The following KIRREL3 variants were observed in gnomAD, a reference collection of about 807,000 sequenced individuals.
The protein encoded by KIRREL3 is kin of IRRE-like protein 3.
KIRREL3 carries 36 observed loss-of-function variants against 89.7 expected under a neutral mutation model. That is an observed-to-expected ratio of 0.40 (90% confidence interval 0.31 to 0.53). The LOEUF (loss-of-function observed/expected upper bound fraction) is 0.53, where lower values mean the gene tolerates loss of function less well. KIRREL3 is among the 20% of genes least tolerant of loss of function. The pLI is 0.49. For missense variants in KIRREL3, 864 were observed against 1,056.6 expected (o/e 0.82, Z 2.53); for synonymous variants, 445 against 441.4 (o/e 1.01, Z -0.10).
Position 126,682,530 on chromosome 11 carries a change from G to A in KIRREL3, c.56-119618C>T, listed in dbSNP as rs1196673898. 2.0e-5 allele frequency among the ~76,000 whole-genome samples: 3 copies of A among 152,006 alleles called. No individual in the cohort carries two copies. Among genetic ancestry groups the A allele is most frequent in the Non-Finnish European group, 2.9e-5 (2 of 68,000 alleles). On this transcript the variant is annotated intron_variant, in intron 1 of 16. Transcript: ENST00000525144. This position sits in a 1 kb window ranked among gnomAD's most constrained non-coding sequence, Gnocchi z 4.8. ...TGACCTCTGAGTGCGGAGCTTTTTT[G>A]TCAATTTTTTAAAGACAGTGGTCCC...
chr11:126,756,400 G>A (rs1441306568), intron 1 of KIRREL3, among the ~76,000 whole-genome samples: 1 of 152,206 alleles, frequency 6.6e-6, no homozygotes, highest in Non-Finnish European at 1.5e-5. Context: ...AAAACCTCTG[G>A]TGTTGGAGGA....
intron 1 of KIRREL3, among the ~76,000 whole-genome samples, chr11:126,586,838 C>T (rs1313369602): frequency 1.3e-5 from 2 of 152,096 alleles, no homozygotes; most frequent in Non-Finnish European, 2.9e-5. Flanking sequence ...GGTAACCAAC[C>T]ATCCAGGTGA....
chr11:126,465,890 A>T (rs1320064561), intron 5 of KIRREL3, among the ~76,000 whole-genome samples: 1 of 152,222 alleles, frequency 6.6e-6, no homozygotes, highest in Non-Finnish European at 1.5e-5. Context: ...GATAATAAGA[A>T]CAATTTCCTG....
At chr11:126,845,336 G>T (rs761884931) in intron 1 of KIRREL3, among the ~76,000 whole-genome samples, 18 of 152,230 alleles carry the variant, frequency 1.2e-4, no homozygotes, top group African/African-American at 3.9e-4. Context: ...TCAGACTTCT[G>T]GGCTCTCTCT....
At chr11:126,442,351 CACAA>C (rs1395032888) in intron 10 of KIRREL3, among the ~76,000 whole-genome samples, 95 of 126,592 alleles carry the variant, frequency 7.5e-4, no homozygotes, top group Middle Eastern at 3.9e-3. Flanking sequence ...CACACACACA[CACAA>C]AACCTTTTCC....
chr11:126,787,392 G>T (rs1367422166), intron 1 of KIRREL3, among the ~76,000 whole-genome samples: 2 of 152,152 alleles, frequency 1.3e-5, no homozygotes. Context: ...ATTGCCAAAT[G>T]CTAAAAACAA....
At chr11:126,693,629 A>ACACC (rs1334444125) in intron 1 of KIRREL3, among the ~76,000 whole-genome samples, 1 of 151,568 alleles carries the variant, frequency 6.6e-6, no homozygotes, top group Non-Finnish European at 1.5e-5. Flanking sequence ...ACACACACAC[A>ACACC]CACCCATAGT....
chr11:126,698,443 G>C (rs1306678147), intron 1 of KIRREL3, among the ~76,000 whole-genome samples: 1 of 152,240 alleles, frequency 6.6e-6, no homozygotes, highest in Non-Finnish European at 1.5e-5. Context: ...CCTCCACCTT[G>C]GGTGTTCTCA....
intron 1 of KIRREL3, among the ~76,000 whole-genome samples, chr11:126,949,112 T>G (rs987396076): frequency 6.6e-6 from 1 of 152,240 alleles, no homozygotes; most frequent in East Asian, 1.9e-4. Context: ...ATACAGTTAT[T>G]TATTCATTCA....
chr11:126,507,647 A>C (rs1192951808), intron 4 of KIRREL3, among the ~76,000 whole-genome samples: 1 of 152,272 alleles, frequency 6.6e-6, no homozygotes, highest in Admixed American at 6.5e-5. Flanking sequence ...TGGAAGGCAC[A>C]TATACAGATG....
rs1946482037 is a variant in KIRREL3, at chr11:126,682,100, T to C, written c.56-119188A>G. ...AAAGCAATAAAATATTCCTCCCTCC[T>C]GTGACCACCGAAAAGGTCATATTTA... On this transcript the variant is annotated intron_variant, in intron 1 of 16. Transcript: ENST00000525144. This position sits in a 1 kb window ranked among gnomAD's most constrained non-coding sequence, Gnocchi z 4.8. 2 of 337,908 alleles carry C rather than the reference T, an allele frequency of 5.9e-6. No individual in the cohort carries two copies. The highest frequency in any genetic ancestry group is 1.2e-5 in the Non-Finnish European group (2 of 171,672). 20.9% of individuals were successfully genotyped at this position (337,908 alleles called of 1,614,324 possible).
intron 1 of KIRREL3, among the ~76,000 whole-genome samples, chr11:126,831,435 T>TTCGCTCTC (rs139979079): frequency 6.7e-6 from 1 of 149,914 alleles, no homozygotes; most frequent in Non-Finnish European, 1.5e-5. Context: ...CTCTCTCTCT[T>TTCGCTCTC]TCTCTCTCTC....
chr11:126,693,797 G>A (rs1430930248), intron 1 of KIRREL3, among the ~76,000 whole-genome samples: 1 of 152,210 alleles, frequency 6.6e-6, no homozygotes, highest in Non-Finnish European at 1.5e-5. Flanking sequence ...GAGTGGAAAC[G>A]GACACATTTC....
chr11:126,803,466 T>A lies in KIRREL3; in HGVS notation c.55+196989A>T, dbSNP rs545685008. On this transcript the variant is annotated intron_variant, in intron 1 of 16. Transcript: ENST00000525144. ...AACTCTTACCTTCCAAAGAAAAAAA[T>A]ATATATTCTCTCAATCATATATATG... Among the ~76,000 whole-genome samples the A allele has an allele frequency of 2.0e-5, 3 of 152,198 alleles. No homozygotes were observed. In the East Asian group the frequency reaches 5.8e-4, roughly 29 times the overall value.
In KIRREL3 at chr11:126,795,192, T is replaced by C. The variant is rs535635126; in HGVS notation, c.55+205263A>G. Among the ~76,000 whole-genome samples, 1 of 152,258 alleles carries C rather than the reference T, an allele frequency of 6.6e-6. No homozygotes were observed. Among genetic ancestry groups the C allele is most frequent in the African/African-American group, 2.4e-5 (1 of 41,544 alleles). ...GTCATCACACATTTGGCCAAGCCCA[T>C]AGAGTGTACAGCATACAGAATGAAC... On this transcript the variant is annotated intron_variant, in intron 1 of 16. Transcript: ENST00000525144. The surrounding 1 kb of genome is among the most constrained non-coding windows in gnomAD (Gnocchi z 4.1).
At chr11:126,499,143 C>T (rs953577536) in intron 4 of KIRREL3, among the ~76,000 whole-genome samples, 2 of 99,608 alleles carry the variant, frequency 2.0e-5, no homozygotes, top group Non-Finnish European at 4.0e-5. Context: ...CAGAGCAAGA[C>T]TCCGTTTCAA....
At chr11:126,479,714 C>T (rs1029413042) in intron 4 of KIRREL3, among the ~76,000 whole-genome samples, 3 of 152,170 alleles carry the variant, frequency 2.0e-5, no homozygotes, top group African/African-American at 7.2e-5. Context: ...CTGCTCCCTT[C>T]GCTCCCCCGG....
At chr11:126,821,591 A>T (rs1277524797) in intron 1 of KIRREL3, among the ~76,000 whole-genome samples, 1 of 151,978 alleles carries the variant, frequency 6.6e-6, no homozygotes, top group Non-Finnish European at 1.5e-5. Context: ...CTCCTAAGAC[A>T]TCCATGAATG....
chr11:126,986,162 C>G (rs1038520914), intron 1 of KIRREL3, among the ~76,000 whole-genome samples: 21 of 152,254 alleles, frequency 1.4e-4, no homozygotes, highest in African/African-American at 4.8e-4. Flanking sequence ...CCCCCAAGCC[C>G]CTCTTGGTTG....
Sources: gnomAD v4.1 joint callset for allele counts (sites outside exome capture counted in the v4.1 genomes callset) on GRCh38, gnomAD v4.1.1 for gene constraint, Gnocchi (gnomAD v3.1) non-coding constraint, MANE v1.5 for transcripts, NCBI Gene and HGNC (gene_info 2026-07-23, HGNC 2026-07-21) for gene names.